ZFP28: variants seen among roughly 807,000 people sequenced by gnomAD.
ZFP28 encodes the protein ZFP28 zinc finger protein, also known as zinc finger protein 28 homolog.
A neutral mutation model predicts 39.5 loss-of-function variants in ZFP28; 31 were observed. The observed-to-expected ratio is 0.79, with a 90% CI of 0.59 to 1.06. The LOEUF is 1.06. Among genes scored for constraint, ZFP28 ranks in the 50% least tolerant of loss-of-function variants. The pLI, the probability that ZFP28 is intolerant of heterozygous loss-of-function variation, is 0.00. For synonymous variants in ZFP28, 400 were observed against 378.6 expected, an observed-to-expected ratio of 1.06 and a Z score of -0.66; for missense variants, 925 against 1,048.4, an observed-to-expected ratio of 0.88 and a Z score of 1.63.
In ZFP28 at chr19:56,545,768, A is replaced by C. The variant is rs1444951595; in HGVS notation, c.301-1740A>C. On this transcript the variant is annotated intron_variant, in intron 2 of 7. Coordinates refer to ENST00000301318, the MANE Select transcript of ZFP28 (RefSeq NM_020828.2). Reference sequence around the variant, plus strand: ...GGGCATTATCTAGGTGAGTTTCCCAAGACAGGGTTGGCTTGGATACTTTGA... The same window carrying C: ...GGGCATTATCTAGGTGAGTTTCCCACGACAGGGTTGGCTTGGATACTTTGA... 2.6e-5 allele frequency: 4 copies of C among 152,156 alleles called. No homozygotes were observed. In the East Asian group the frequency reaches 7.7e-4, roughly 29 times the overall value. 9.4% of individuals were successfully genotyped at this position (152,156 alleles called of 1,614,324 possible).
intron 6 of ZFP28, 155 bp from the exon 7 acceptor site, chr19:56,550,355 A>G (rs1008145824): frequency 4.5e-6 from 4 of 879,582 alleles, no homozygotes; most frequent in East Asian, 5.2e-5. Flanking sequence ...TGTCTTTGTT[A>G]GGCTTGAAGC....
At chr19:56,538,922 C>T (rs185841405), upstream of ZFP28, 149,207 of 1,068,656 alleles carry the variant, frequency 0.14, 11,888 homozygotes, top group Middle Eastern at 0.18. Context: ...TGGGGGAGCG[C>T]GCGCGGGGCT....
intron 7 of ZFP28, chr19:56,550,941 T>G: frequency 7.1e-7 from 1 of 1,404,506 alleles, no homozygotes; most frequent in South Asian, 1.6e-5. Flanking sequence ...GCCTATTGTT[T>G]TCATCATGCA....
chr19:56,543,880 T>C (rs2044217446), intron 2 of ZFP28, among the ~76,000 whole-genome samples: 1 of 152,220 alleles, frequency 6.6e-6, no homozygotes, highest in South Asian at 2.1e-4. Flanking sequence ...ATTACTGCTA[T>C]TATCAAAGTG....
chr19:56,542,729 T>C (rs1377721787), intron 2 of ZFP28, among the ~76,000 whole-genome samples: 1 of 152,082 alleles, frequency 6.6e-6, no homozygotes, highest in Non-Finnish European at 1.5e-5. Flanking sequence ...TAGTCATTTT[T>C]ATACCTGAAA....
intron 7 of ZFP28, chr19:56,552,974 A>G (rs1323597222): frequency 1.3e-5 from 2 of 152,206 alleles, no homozygotes; most frequent in Non-Finnish European, 1.5e-5. Flanking sequence ...GAAGTGTACA[A>G]TTCAGTGACA....
At chr19:56,539,558 C>A in intron 1 of ZFP28, 67 bp from the exon 2 acceptor site, 1 of 1,340,274 alleles carries the variant, frequency 7.5e-7, no homozygotes, top group Non-Finnish European at 1.1e-6. Context: ...CAGGAAGGGA[C>A]GTTTCTAGGC....
intron 2 of ZFP28, chr19:56,546,514 C>T (rs2147953645): frequency 6.6e-6 from 1 of 152,280 alleles, no homozygotes; most frequent in East Asian, 1.9e-4. Flanking sequence ...TAATGCCTAG[C>T]TTCTCCAAGA....
Position 56,554,285 on chromosome 19 carries a change from T to C in ZFP28, c.1500T>C (p.Thr500=), listed in dbSNP as rs749794290. The C allele has an allele frequency of 6.2e-7, 1 of 1,614,198 alleles. No individual in the cohort carries two copies. Among genetic ancestry groups the C allele is most frequent in the Non-Finnish European group, 8.5e-7 (1 of 1,180,032 alleles). ...TCCGTCACTGGAGATACTATCATAC[T>C]GGGGAGAAACCCTTTGATTGCATCG... ...SLIRHWRYYH[T]GEKPFDCIDC... The change falls in exon 8 of 8, where the codon ACT becomes ACC. Residue 500 remains threonine, a synonymous_variant. Coordinates refer to ENST00000301318, the MANE Select transcript of ZFP28 (RefSeq NM_020828.2). This position sits in a 1 kb window ranked among gnomAD's most constrained non-coding sequence, Gnocchi z 6.7.
rs756314443 is a variant in ZFP28, at chr19:56,554,826, G to A, written c.2041G>A (p.Ala681Thr). The change falls in exon 8 of 8, where the codon GCC (alanine) becomes ACC (threonine). Residue 681 changes from alanine (A) to threonine (T), a missense_variant. Physicochemically the swap from Ala to Thr is moderately conservative, Grantham distance 58. This residue lies in a region of ZFP28 where 369 missense variants were observed against 505.5 expected (regional missense o/e 0.73). Coordinates refer to ENST00000301318, the MANE Select transcript of ZFP28 (RefSeq NM_020828.2). The surrounding 1 kb of genome is among the most constrained non-coding windows in gnomAD (Gnocchi z 6.7). ...KPYECKECGKAFSQTTHLIQH... is the reference protein window; with the variant it reads ...KPYECKECGKTFSQTTHLIQH... The stretch of plus-strand genomic sequence containing the variant: ...ATATGAGTGCAAGGAATGCGGTAAA[G>A]CCTTCAGCCAGACCACACACCTCAT... 2 of 1,614,126 alleles carry A rather than the reference G, an allele frequency of 1.2e-6. No individual in the cohort carries two copies. The highest frequency in any genetic ancestry group is 2.2e-5 in the South Asian group (2 of 91,088).
chr19:56,538,348 C>G (rs376331237), upstream of ZFP28: 1 of 152,360 alleles, frequency 6.6e-6, no homozygotes, highest in Non-Finnish European at 1.5e-5. Context: ...ACGCCCAGGC[C>G]CTTAGCACCT....
chr19:56,550,950 C>G, intron 7 of ZFP28: 1 of 1,395,108 alleles, frequency 7.2e-7, no homozygotes, highest in Non-Finnish European at 9.3e-7. Context: ...TTTCATCATG[C>G]ATCCATTCCT....
chr19:56,555,048 A>G lies in ZFP28; in HGVS notation c.2263A>G (p.Lys755Glu). 6.2e-7 allele frequency: 1 copy of G among 1,614,196 alleles called. No individual in the cohort carries two copies. Among genetic ancestry groups the G allele is most frequent in the Non-Finnish European group, 8.5e-7 (1 of 1,180,042 alleles). Residue 755 changes from lysine to glutamate, a missense_variant, in exon 8 of 8, where the codon AAA becomes GAA. Physicochemically the swap from Lys to Glu is moderately conservative, Grantham distance 56 (BLOSUM62 1). Around this residue, in one of 2 missense-constraint regions of ZFP28, gnomAD observed 369 missense variants for 505.5 expected, o/e 0.73. Coordinates refer to ENST00000301318, the MANE Select transcript of ZFP28 (RefSeq NM_020828.2). Reference sequence around the variant, plus strand: ...TCATCGCAGAAGTCATACTGGAGAAAAACCTTATGAATGCAGTGTGTGTGG... The same window carrying G: ...TCATCGCAGAAGTCATACTGGAGAAGAACCTTATGAATGCAGTGTGTGTGG... ...ICHRRSHTGE[K>E]PYECSVCGKA...
intron 1 of ZFP28, among the ~76,000 whole-genome samples, 192 bp downstream of exon 1, chr19:56,539,418 G>A (rs1028485363): frequency 6.6e-6 from 1 of 152,180 alleles, no homozygotes; most frequent in African/African-American, 2.4e-5. Flanking sequence ...CGGTAAAAGG[G>A]TGTTGACTTT....
At chr19:56,542,442 C>T (rs73070077) in intron 2 of ZFP28, among the ~76,000 whole-genome samples, 22,594 of 152,226 alleles carry the variant, frequency 0.15, 1,860 homozygotes, top group Middle Eastern at 0.2. Context: ...TGTGATTCCC[C>T]GCGCCCAGAC....
Position 56,553,886 on chromosome 19 carries a change from C to A in ZFP28, c.1101C>A (p.Thr367=). The change falls in exon 8 of 8, where the codon ACC becomes ACA. Residue 367 remains threonine, a synonymous_variant. Coordinates refer to ENST00000301318, the MANE Select transcript of ZFP28 (RefSeq NM_020828.2). ...FRQEPITHNK[T]LSKERERTYN... is the part of the protein sequence containing the mutation. ...AAGAGCCAATTACTCATAACAAAAC[C>A]CTCTCTAAGGAAAGAGAACGTACAT... 6.2e-7 allele frequency: 1 copy of A among 1,614,048 alleles called. No homozygotes were observed. Among genetic ancestry groups the A allele is most frequent in the Non-Finnish European group, 8.5e-7 (1 of 1,180,014 alleles).
intron 5 of ZFP28, 50 bp downstream of exon 5, chr19:56,549,171 A>C (rs1425615694): frequency 1.3e-6 from 2 of 1,562,514 alleles, no homozygotes; most frequent in Non-Finnish European, 1.7e-6. Context: ...TTCATGAGGA[A>C]ACTCTTCTTG....
chr19:56,547,459 G>GT lies in ZFP28; in HGVS notation c.301-48dup. The GT allele has an allele frequency of 6.2e-7, 1 of 1,613,584 alleles. No homozygotes were observed. Among genetic ancestry groups the GT allele is most frequent in the Non-Finnish European group, 8.5e-7 (1 of 1,179,788 alleles). ...CTTTCTATAACAAACCCCCAGTCAT[G>GT]TGGGGGCATGAGCACTGGTTGAGCA... On this transcript the variant is annotated intron_variant, in intron 2 of 7. Transcript: ENST00000301318. The surrounding 1 kb of genome is among the most constrained non-coding windows in gnomAD (Gnocchi z 4.6).
chr19:56,542,536 G>A (rs2044204680), intron 2 of ZFP28, among the ~76,000 whole-genome samples: 1 of 152,128 alleles, frequency 6.6e-6, no homozygotes, highest in African/African-American at 2.4e-5. Flanking sequence ...GTTGTTCGAA[G>A]GTCAAATGTA....
Sources: gnomAD v4.1 joint callset for allele counts (sites outside exome capture counted in the v4.1 genomes callset) on GRCh38, gnomAD v4.1.1 for gene constraint, gnomAD v4.1.1 regional missense constraint, Gnocchi (gnomAD v3.1) non-coding constraint, MANE v1.5 for transcripts, NCBI Gene and HGNC (gene_info 2026-07-23, HGNC 2026-07-21) for gene names.